CCDC88C: variants seen among roughly 807,000 people sequenced by gnomAD.
CCDC88C encodes protein Daple.
Under a neutral mutation model 198.8 loss-of-function variants are expected in CCDC88C, and 131 were observed. The observed-to-expected ratio is 0.66, with a 90% CI of 0.57 to 0.76. The LOEUF (loss-of-function observed/expected upper bound fraction) is 0.76. Among genes scored for constraint, CCDC88C ranks in the 30% least tolerant of loss-of-function variants. The pLI, the probability that CCDC88C is intolerant of heterozygous loss-of-function variation, is 0.00. For missense variants in CCDC88C, 2,553 were observed against 2,631.6 expected, an observed-to-expected ratio of 0.97 and a Z score of 0.65; for synonymous variants, 1,166 against 1,114.7, an observed-to-expected ratio of 1.05 and a Z score of -0.92.
rs796416355 is a variant in CCDC88C, at chr14:91,293,541, C to T, written c.4112+632G>A. ...TCCTGTCCCCTCACCTGCCACGGCC[C>T]ACCTTCCTGTCCCCTCGCCTGCCAC... is the stretch of plus-strand genomic sequence containing the variant. On this transcript the variant is annotated intron_variant, in intron 23 of 29. Transcript: ENST00000389857. Among the ~76,000 whole-genome samples the T allele has an allele frequency of 2.6e-3, 259 of 98,850 alleles. 7 individuals carry two copies. The highest frequency in any genetic ancestry group is 5.0e-3 in the Non-Finnish European group (199 of 39,484). The allele number at this position is 98,850 out of a possible 152,430, so 64.8% of individuals were successfully genotyped here. A position where few individuals can be genotyped will look rare whatever the true frequency, so the allele number is the denominator to read the frequency against.
At chr14:91,333,685 AG>A (rs1003227887) in intron 10 of CCDC88C, among the ~76,000 whole-genome samples, 2 of 152,168 alleles carry the variant, frequency 1.3e-5, no homozygotes, top group Admixed American at 6.5e-5. Flanking sequence ...TATTTTTTTA[AG>A]GGGGGCAAGA....
intron 21 of CCDC88C, 45 bp from the exon 22 acceptor site, chr14:91,297,536 C>A (rs1045570257): frequency 1.3e-6 from 2 of 1,541,012 alleles, no homozygotes; most frequent in Non-Finnish European, 8.8e-7. Context: ...AAGAGCCTGA[C>A]AAACAGGTAA....
At chr14:91,397,569 C>A (rs1467168274) in intron 3 of CCDC88C, among the ~76,000 whole-genome samples, 1 of 152,244 alleles carries the variant, frequency 6.6e-6, no homozygotes, top group Non-Finnish European at 1.5e-5. Flanking sequence ...CCACCTTTCG[C>A]CCTCTGCAAC....
Position 91,271,701 on chromosome 14 carries a change from A to G in CCDC88C, c.*924T>C, listed in dbSNP as rs1205672453. ...CATATATTAAAAAAAATTGGTTTCTATACCCAAAAAGTTATTCAGAAATAA... is the reference window on the plus strand; with the variant it reads ...CATATATTAAAAAAAATTGGTTTCTGTACCCAAAAAGTTATTCAGAAATAA... On this transcript the variant is annotated 3_prime_UTR_variant, in exon 30 of 30. Transcript: ENST00000389857. 1 of 152,272 alleles carries G rather than the reference A, an allele frequency of 6.6e-6. No individual in the cohort carries two copies. Among genetic ancestry groups the G allele is most frequent in the African/African-American group, 2.4e-5 (1 of 41,464 alleles). The allele number at this position is 152,272 out of a possible 1,614,324, so 9.4% of individuals were successfully genotyped here.
At chr14:91,362,315 C>T (rs1481530717) in intron 3 of CCDC88C, among the ~76,000 whole-genome samples, 1 of 152,130 alleles carries the variant, frequency 6.6e-6, no homozygotes, top group African/African-American at 2.4e-5. Flanking sequence ...AGCAAACCAG[C>T]CACAATCCCC....
In CCDC88C at chr14:91,343,587, C is replaced by T. The variant is rs371098465; in HGVS notation, c.399+12G>A. The T allele has an allele frequency of 8.7e-6, 14 of 1,613,568 alleles. No homozygotes were observed. Among genetic ancestry groups the T allele is most frequent in the Non-Finnish European group, 1.2e-5 (14 of 1,179,838 alleles). ...GGTAGGTCCCTCTGCTGCAGCCCTG[C>T]CCAATCCCTACCTGGACAGCACAGC... On this transcript the variant is annotated intron_variant, in intron 5 of 29. Coordinates refer to ENST00000389857, the MANE Select transcript of CCDC88C (RefSeq NM_001080414.4).
chr14:91,311,091 G>C (rs917392322), intron 15 of CCDC88C, among the ~76,000 whole-genome samples: 2 of 150,472 alleles, frequency 1.3e-5, no homozygotes, highest in Non-Finnish European at 3.0e-5. Context: ...CTGGTGTAGA[G>C]ACCGTGGAGC....
At chr14:91,382,744 G>A (rs985839099) in intron 3 of CCDC88C, among the ~76,000 whole-genome samples, 6 of 152,174 alleles carry the variant, frequency 3.9e-5, no homozygotes, top group Non-Finnish European at 8.8e-5. Context: ...TGTCTGCTTG[G>A]ATTTTTGGCA....
rs749104245 is a variant in CCDC88C, at chr14:91,273,769, C to T, written c.5059-116G>A. The T allele has an allele frequency of 1.2e-6, 1 of 845,122 alleles. No homozygotes were observed. The highest frequency in any genetic ancestry group is 3.1e-5 in the East Asian group (1 of 31,940). 52.4% of individuals were successfully genotyped at this position (845,122 alleles called of 1,614,324 possible). On this transcript the variant is annotated intron_variant, in intron 29 of 29. Coordinates refer to ENST00000389857, the MANE Select transcript of CCDC88C (RefSeq NM_001080414.4). The surrounding 1 kb of genome is among the most constrained non-coding windows in gnomAD (Gnocchi z 5.6). Reference sequence around the variant, plus strand: ...CACGTGGCTGGGACCGCAGTTCCTGCCTGCCTTCTCCGAGGCACATGTGCC... The same window carrying T: ...CACGTGGCTGGGACCGCAGTTCCTGTCTGCCTTCTCCGAGGCACATGTGCC...
intron 23 of CCDC88C, among the ~76,000 whole-genome samples, chr14:91,292,686 A>G (rs1374105051): frequency 6.6e-6 from 1 of 152,006 alleles, no homozygotes; most frequent in Non-Finnish European, 1.5e-5. Flanking sequence ...TGATGCCAGC[A>G]CACCAATGCC....
At chr14:91,311,294 T>G (rs984083711) in intron 15 of CCDC88C, among the ~76,000 whole-genome samples, 1 of 152,156 alleles carries the variant, frequency 6.6e-6, no homozygotes, top group African/African-American at 2.4e-5. Flanking sequence ...ATATTTTGGA[T>G]CTCTCCCCCA....
intron 4 of CCDC88C, among the ~76,000 whole-genome samples, chr14:91,358,324 T>A (rs1477323460): frequency 6.6e-6 from 1 of 152,196 alleles, no homozygotes; most frequent in African/African-American, 2.4e-5. Context: ...CGAGTCCCTT[T>A]TGGAAATGTC....
intron 3 of CCDC88C, among the ~76,000 whole-genome samples, chr14:91,370,539 A>C (rs1370043307): frequency 6.6e-6 from 1 of 152,180 alleles, no homozygotes. Context: ...GAGCCAAAGA[A>C]GGGGGCGGGG....
At position 91,273,687 on chromosome 14, in the gene CCDC88C, A is replaced by G. The variant is rs780111091; in HGVS notation, c.5059-34T>C. ...AAGAGAGTGAAGGTTGGAGGTGGGC[A>G]TGAGGGTTGGGTGGGTCCTTGGAGC... On this transcript the variant is annotated intron_variant, in intron 29 of 29. Coordinates refer to ENST00000389857, the MANE Select transcript of CCDC88C (RefSeq NM_001080414.4). The surrounding 1 kb of genome is among the most constrained non-coding windows in gnomAD (Gnocchi z 5.6). 11 of 1,433,950 alleles carry G rather than the reference A, an allele frequency of 7.7e-6. No individual in the cohort carries two copies. The East Asian group carries it at 2.0e-4, about 27-fold the overall frequency. The allele number at this position is 1,433,950 out of a possible 1,614,324, so 88.8% of individuals were successfully genotyped here. A position where few individuals can be genotyped will look rare whatever the true frequency, so the allele number is the denominator to read the frequency against.
chr14:91,329,917 C>T (rs1356419823), intron 10 of CCDC88C, among the ~76,000 whole-genome samples: 1 of 152,270 alleles, frequency 6.6e-6, no homozygotes, highest in African/African-American at 2.4e-5. Flanking sequence ...GCAATGTTTT[C>T]AGCTCTGCAG....
At chr14:91,389,847 C>T (rs1187354075) in intron 3 of CCDC88C, among the ~76,000 whole-genome samples, 5 of 151,686 alleles carry the variant, frequency 3.3e-5, no homozygotes, top group East Asian at 1.9e-4. Context: ...CCGAGGCGGG[C>T]GGATCACAAG....
intron 3 of CCDC88C, among the ~76,000 whole-genome samples, chr14:91,365,393 G>A (rs560223639): frequency 2.3e-3 from 356 of 152,280 alleles, no homozygotes; most frequent in African/African-American, 7.5e-3. Context: ...GGCCCCTCAC[G>A]CCCCACATGA....
intron 23 of CCDC88C, among the ~76,000 whole-genome samples, chr14:91,293,114 CCG>C (rs1567054621): frequency 3.4e-5 from 5 of 147,306 alleles, no homozygotes; most frequent in Non-Finnish European, 6.0e-5. Flanking sequence ...GCCCACCTTC[CCG>C]TCCTCACTTG....
chr14:91,347,446 A>G (rs1225864924), intron 4 of CCDC88C, among the ~76,000 whole-genome samples: 1 of 152,214 alleles, frequency 6.6e-6, no homozygotes, highest in African/African-American at 2.4e-5. Flanking sequence ...GAGGGCTCAA[A>G]ACTACACTCT....
Sources: gnomAD v4.1 joint callset for allele counts (sites outside exome capture counted in the v4.1 genomes callset) on GRCh38, gnomAD v4.1.1 for gene constraint, Gnocchi (gnomAD v3.1) non-coding constraint, MANE v1.5 for transcripts, NCBI Gene and HGNC (gene_info 2026-07-23, HGNC 2026-07-21) for gene names.